Variants in NAV2 observed in about 807,000 individuals in gnomAD.
NAV2 encodes helicase, APC down-regulated 1.
Under a neutral mutation model 223.2 loss-of-function variants are expected in NAV2, and 54 were observed. That is an observed-to-expected ratio of 0.24 (90% CI 0.19 to 0.30). The LOEUF (loss-of-function observed/expected upper bound fraction) is 0.30, where lower values mean the gene tolerates loss of function less well. Among genes scored for constraint, NAV2 ranks in the 10% least tolerant of loss-of-function variants. NAV2 has a pLI of 1.00. For missense variants in NAV2, 2,806 were observed against 3,147.5 expected (o/e 0.89, Z 2.60); for synonymous variants, 1,279 against 1,239.3 (o/e 1.03, Z -0.67).
chr11:19,582,979 T>G (rs1192142510), intron 1 of NAV2, among the ~76,000 whole-genome samples: 1 of 152,238 alleles, frequency 6.6e-6, no homozygotes, highest in Non-Finnish European at 1.5e-5. Context: ...GTATGGCCAT[T>G]TTCACGATAT....
chr11:19,468,195 T>C (rs1425915863), intron 1 of NAV2, among the ~76,000 whole-genome samples: 2 of 152,236 alleles, frequency 1.3e-5, no homozygotes, highest in Admixed American at 6.5e-5. Context: ...AGTTAGTCAA[T>C]GCACTTGAAC....
At chr11:19,421,603 A>G (rs2133497528) in intron 1 of NAV2, among the ~76,000 whole-genome samples, 1 of 152,284 alleles carries the variant, frequency 6.6e-6, no homozygotes, top group Admixed American at 6.5e-5. Context: ...TGATCTAAAG[A>G]CAAACATTAA....
Position 20,039,953 on chromosome 11 carries a change from G to A in NAV2, c.2907+3856G>A, listed in dbSNP as rs551287991. On this transcript the variant is annotated intron_variant, in intron 12 of 37. Coordinates refer to ENST00000349880, the MANE Select transcript of NAV2 (RefSeq NM_145117.5). ...ATGGGGTTTGGCTGGGGGTGAGGAG[G>A]GGTGCCCCCTTCTGCTCACCCGCTG... Among the ~76,000 whole-genome samples the A allele has an allele frequency of 2.0e-5, 3 of 152,288 alleles. No homozygotes were observed. The South Asian group carries it at 6.2e-4, about 32-fold the overall frequency.
intron 10 of NAV2, among the ~76,000 whole-genome samples, chr11:19,963,038 T>A (rs1048642967): frequency 6.6e-6 from 1 of 152,176 alleles, no homozygotes; most frequent in African/African-American, 2.4e-5. Context: ...TGGGACGAAA[T>A]AAATGTGGTG....
chr11:19,593,246 G>A lies in NAV2; in HGVS notation c.76-239238G>A, dbSNP rs115170133. On this transcript the variant is annotated intron_variant, in intron 1 of 37. Transcript: ENST00000360655. The stretch of plus-strand genomic sequence containing the variant: ...AATGTTATCTAAGTAGAATGGCAAA[G>A]TATGTGACCTTTTAAGCTTGGCTTT... Among the ~76,000 whole-genome samples, 136 of 152,222 alleles carry A rather than the reference G, an allele frequency of 8.9e-4. 1 individual carries two copies. Among genetic ancestry groups the A allele is most frequent in the African/African-American group, 3.0e-3 (123 of 41,534 alleles).
chr11:19,378,540 T>A (rs2133909173), intron 1 of NAV2, among the ~76,000 whole-genome samples: 1 of 151,840 alleles, frequency 6.6e-6, no homozygotes, highest in South Asian at 2.1e-4. Context: ...GCCTCACTAT[T>A]TGTGGTGATA....
intron 1 of NAV2, among the ~76,000 whole-genome samples, chr11:19,603,854 G>A (rs1345167653): frequency 6.6e-6 from 1 of 152,000 alleles, no homozygotes; most frequent in Non-Finnish European, 1.5e-5. Flanking sequence ...GGTTCAAGAC[G>A]GCCTTTCTGA....
At chr11:20,066,956 A>T (rs2059083048) in intron 20 of NAV2, among the ~76,000 whole-genome samples, 1 of 152,138 alleles carries the variant, frequency 6.6e-6, no homozygotes, top group Non-Finnish European at 1.5e-5. Flanking sequence ...TGGGAACCAG[A>T]GGAGAGGGAA....
chr11:19,517,508 C>T (rs771629701), intron 1 of NAV2, among the ~76,000 whole-genome samples: 2 of 152,256 alleles, frequency 1.3e-5, no homozygotes, highest in Non-Finnish European at 2.9e-5. Context: ...GCACCCCAAA[C>T]TGACACCAGT....
intron 1 of NAV2, among the ~76,000 whole-genome samples, chr11:19,592,678 G>A (rs2135157624): frequency 6.6e-6 from 1 of 152,196 alleles, no homozygotes; most frequent in Admixed American, 6.5e-5. Flanking sequence ...GTAAAATAGG[G>A]ATTTTTAAAA....
At position 20,045,584 on chromosome 11, in the gene NAV2, G is replaced by A. The variant is rs755592393; in HGVS notation, c.3816G>A (p.Pro1272=). 37 of 1,614,168 alleles carry A rather than the reference G, an allele frequency of 2.3e-5. No individual in the cohort carries two copies. The South Asian group carries it at 2.3e-4, about 10-fold the overall frequency. The part of the protein sequence containing the change: ...VASCNSVKVN[P]AAQPVSSPAQ... ...CCTGTAACTCGGTGAAAGTGAATCC[G>A]GCAGCCCAGCCTGTGTCCAGTCCGG... is the stretch of plus-strand genomic sequence containing the variant. The change falls in exon 14 of 38, where the codon CCG becomes CCA. Residue 1272 remains proline, a synonymous_variant. Transcript: ENST00000349880.
intron 1 of NAV2, among the ~76,000 whole-genome samples, chr11:19,759,777 A>G (rs2054575954): frequency 6.6e-6 from 1 of 152,216 alleles, no homozygotes; most frequent in Non-Finnish European, 1.5e-5. Flanking sequence ...TGAAAAAATA[A>G]TATATACAAA....
At chr11:20,077,479 T>G in intron 22 of NAV2, 73 bp from the exon 23 acceptor site, 2 of 1,212,244 alleles carry the variant, frequency 1.6e-6, no homozygotes, top group South Asian at 2.5e-5. Flanking sequence ...ATTTTCATCT[T>G]TAAGAGCCAG....
chr11:20,012,679 A>C (rs2053656095), intron 11 of NAV2, among the ~76,000 whole-genome samples: 1 of 3,018 alleles, frequency 3.3e-4, no homozygotes, highest in Non-Finnish European at 5.6e-3. Flanking sequence ...CATCTCAAAA[A>C]AAAAAAAAAA....
intron 6 of NAV2, among the ~76,000 whole-genome samples, chr11:19,901,133 T>G (rs181078174): frequency 7.2e-5 from 11 of 152,322 alleles, no homozygotes; most frequent in African/African-American, 2.6e-4. Context: ...ACAAACTGAG[T>G]CCTTCTAATT....
chr11:19,597,439 A>G (rs1288342627), intron 1 of NAV2, among the ~76,000 whole-genome samples: 1 of 152,068 alleles, frequency 6.6e-6, no homozygotes. Context: ...TCGCTGCCCC[A>G]TCTTACTACT....
At chr11:19,448,393 T>TA (rs1649379286) in intron 1 of NAV2, among the ~76,000 whole-genome samples, 1 of 152,224 alleles carries the variant, frequency 6.6e-6, no homozygotes, top group Admixed American at 6.5e-5. Context: ...ACCTGAGTGT[T>TA]ACCTTAGCGC....
chr11:19,563,445 CAG>C (rs2045166911), intron 1 of NAV2, among the ~76,000 whole-genome samples: 1 of 152,168 alleles, frequency 6.6e-6, no homozygotes, highest in Admixed American at 6.5e-5. Context: ...CTTTATAGAC[CAG>C]AGTCGATTTT....
At chr11:19,592,444 C>T (rs2046088164) in intron 1 of NAV2, among the ~76,000 whole-genome samples, 1 of 152,094 alleles carries the variant, frequency 6.6e-6, no homozygotes, top group South Asian at 2.1e-4. Flanking sequence ...CCTGTCCTCC[C>T]ATAGATCAGT....
Sources: allele counts gnomAD v4.1 joint callset (sites outside exome capture counted in the v4.1 genomes callset), GRCh38; gene constraint gnomAD v4.1.1; transcripts MANE v1.5; gene names NCBI Gene and HGNC (gene_info 2026-07-23, HGNC 2026-07-21).